SLC24A2: variants seen among roughly 807,000 people sequenced by gnomAD.
SLC24A2 encodes sodium/potassium/calcium exchanger 2.
Under a neutral mutation model 62.0 loss-of-function variants are expected in SLC24A2, and 36 were observed. That is an observed-to-expected ratio of 0.58 (90% CI 0.44 to 0.77). The LOEUF (loss-of-function observed/expected upper bound fraction) is 0.77, where lower values mean the gene tolerates loss of function less well. SLC24A2 is among the 30% of genes least tolerant of loss of function. The pLI is 0.00. For synonymous variants in SLC24A2, 358 were observed against 294.0 expected (o/e 1.22, Z -2.23); for missense variants, 846 against 817.9 (o/e 1.03, Z -0.42).
chr9:19,990,014 G>T, the SLC24A2 span, among the ~76,000 whole-genome samples: 1,437 of 152,230 alleles, frequency 9.4e-3, 27 homozygotes, highest in African/African-American at 0.033. Flanking sequence ...GAAATGATGA[G>T]ACTGGTGAGC....
chr9:19,809,204 TTTTC>T, the SLC24A2 span, among the ~76,000 whole-genome samples: 7 of 152,276 alleles, frequency 4.6e-5, no homozygotes, highest in South Asian at 1.5e-3. Context: ...ATAGTTTTGG[TTTTC>T]TTTCTAATAT....
At chr9:20,252,115 C>T in the SLC24A2 span, among the ~76,000 whole-genome samples, 1 of 152,142 alleles carries the variant, frequency 6.6e-6, no homozygotes, top group Non-Finnish European at 1.5e-5. Context: ...GCCACAAAGA[C>T]TACAAGACAA....
chr9:19,648,895 C>A lies in SLC24A2; in HGVS notation c.931-26596G>T, dbSNP rs1436974635. Among the ~76,000 whole-genome samples the A allele has an allele frequency of 5.0e-4, 75 of 148,904 alleles. 1 individual carries two copies. The highest frequency in any genetic ancestry group is 4.9e-4 in the African/African-American group (20 of 40,444). ...AAAGCTAGAATAGGGAAGGAAATGA[C>A]TCAAAGTTATTTAATAAAGCTGATT... is the stretch of plus-strand genomic sequence containing the variant. On this transcript the variant is annotated intron_variant, in intron 2 of 10. Coordinates refer to ENST00000341998, the MANE Select transcript of SLC24A2 (RefSeq NM_020344.4).
chr9:20,010,357 T>C, the SLC24A2 span, among the ~76,000 whole-genome samples: 529 of 152,240 alleles, frequency 3.5e-3, 4 homozygotes, highest in African/African-American at 0.012. Flanking sequence ...TAGGGAATTA[T>C]TGCACCACCA....
chr9:20,160,811 T>C, the SLC24A2 span, among the ~76,000 whole-genome samples: 3 of 150,640 alleles, frequency 2.0e-5, no homozygotes, highest in Non-Finnish European at 3.0e-5. Context: ...ACAAATGAAA[T>C]GTTTTAAAAA....
At chr9:20,227,535 TAAAA>T in the SLC24A2 span, among the ~76,000 whole-genome samples, 1 of 124,634 alleles carries the variant, frequency 8.0e-6, no homozygotes. Flanking sequence ...CACACATTTC[TAAAA>T]AAAAAAAAAA....
intron 2 of SLC24A2, among the ~76,000 whole-genome samples, chr9:19,760,886 G>A (rs932899897): frequency 1.3e-5 from 2 of 148,648 alleles, no homozygotes; most frequent in African/African-American, 5.0e-5. Context: ...ACACAGGGTG[G>A]GGAACATCAC....
At chr9:19,776,015 C>T (rs1822834599) in intron 2 of SLC24A2, among the ~76,000 whole-genome samples, 1 of 152,160 alleles carries the variant, frequency 6.6e-6, no homozygotes, top group African/African-American at 2.4e-5. Context: ...GAAAAATTTA[C>T]AAAATATAAA....
At chr9:19,577,096 G>GCCTC in intron 5 of SLC24A2, 74 bp from the exon 6 acceptor site, 1 of 1,164,666 alleles carries the variant, frequency 8.6e-7, no homozygotes, top group Non-Finnish European at 1.3e-6. Flanking sequence ...CAGGTATGTG[G>GCCTC]CCTCCTCAGT....
intron 2 of SLC24A2, among the ~76,000 whole-genome samples, chr9:19,708,724 TCC>T (rs1375393600): frequency 1.4e-4 from 21 of 152,258 alleles, no homozygotes; most frequent in African/African-American, 4.8e-4. Context: ...TGAAACTGGA[TCC>T]CTTCCTTACA....
the SLC24A2 span, among the ~76,000 whole-genome samples, chr9:19,864,039 G>T: frequency 6.6e-6 from 1 of 151,890 alleles, no homozygotes; most frequent in Non-Finnish European, 1.5e-5. Flanking sequence ...GATCGTTAGT[G>T]GCTACTATGA....
chr9:20,251,087 G>C, the SLC24A2 span, among the ~76,000 whole-genome samples: 1 of 152,224 alleles, frequency 6.6e-6, no homozygotes, highest in Admixed American at 6.5e-5. Flanking sequence ...GAAGAAGGCA[G>C]TGAAAAAGGA....
At chr9:20,181,424 G>C in the SLC24A2 span, among the ~76,000 whole-genome samples, 7 of 152,110 alleles carry the variant, frequency 4.6e-5, no homozygotes, top group African/African-American at 1.7e-4. Flanking sequence ...CATGGTACTG[G>C]TACCAAAACA....
At chr9:19,720,456 C>T (rs1306837250) in intron 2 of SLC24A2, among the ~76,000 whole-genome samples, 1 of 152,138 alleles carries the variant, frequency 6.6e-6, no homozygotes, top group Non-Finnish European at 1.5e-5. Flanking sequence ...GAAGAAAGTG[C>T]TGAGACACCA....
the SLC24A2 span, among the ~76,000 whole-genome samples, chr9:20,048,931 T>G: frequency 6.6e-6 from 1 of 151,598 alleles, no homozygotes; most frequent in East Asian, 1.9e-4. Flanking sequence ...TATTTTTTAT[T>G]TATTTTTATT....
chr9:20,148,278 T>C, the SLC24A2 span, among the ~76,000 whole-genome samples: 5 of 152,032 alleles, frequency 3.3e-5, no homozygotes, highest in East Asian at 1.9e-4. Flanking sequence ...ATGAATGACA[T>C]AGAATGGTCA....
intron 7 of SLC24A2, among the ~76,000 whole-genome samples, chr9:19,567,098 TAAAGTA>T (rs562858934): frequency 1.4e-3 from 202 of 148,854 alleles, no homozygotes; most frequent in African/African-American, 4.4e-3. Flanking sequence ...CCCTAGAACT[TAAAGTA>T]TAATAAAAAA....
chr9:19,579,666 A>AAAT (rs1278416281), intron 5 of SLC24A2, among the ~76,000 whole-genome samples: 1 of 152,252 alleles, frequency 6.6e-6, no homozygotes, highest in East Asian at 1.9e-4. Context: ...AAGCGGCAAC[A>AAAT]AATAGGTCTG....
In SLC24A2 at chr9:19,619,707, C is replaced by G. The variant is rs779800847; in HGVS notation, c.970-15G>C. 3 of 1,585,404 alleles carry G rather than the reference C, an allele frequency of 1.9e-6. No individual in the cohort carries two copies. Among genetic ancestry groups the G allele is most frequent in the East Asian group, 4.5e-5 (2 of 44,710 alleles). ...CGCGGCTTAGCCTGAGCAGAGAAAC[C>G]AAAGAGATGGTTAGTCTCAGGAATG... On this transcript the variant is annotated splice_polypyrimidine_tract_variant and intron_variant, in intron 3 of 10. Coordinates refer to ENST00000341998, the MANE Select transcript of SLC24A2 (RefSeq NM_020344.4).
Sources: allele counts gnomAD v4.1 joint callset (sites outside exome capture counted in the v4.1 genomes callset), GRCh38; gene constraint gnomAD v4.1.1; transcripts MANE v1.5; gene names NCBI Gene and HGNC (gene_info 2026-07-23, HGNC 2026-07-21).